SESTD1: variants seen among roughly 807,000 people sequenced by gnomAD.
SESTD1 encodes SEC14 domain and spectrin repeat-containing protein 1.
Under a neutral mutation model 101.7 loss-of-function variants are expected in SESTD1, and 43 were observed. The observed-to-expected ratio is 0.42, with a 90% CI of 0.33 to 0.55. SESTD1 has a LOEUF of 0.55. Ranked by LOEUF, SESTD1 falls within the 20% of genes least tolerant of loss-of-function variation. The pLI, the probability that SESTD1 is intolerant of heterozygous loss-of-function variation, is 0.07. For missense variants in SESTD1, 647 were observed against 815.1 expected, an observed-to-expected ratio of 0.79 and a Z score of 2.51; for synonymous variants, 283 against 286.8, an observed-to-expected ratio of 0.99 and a Z score of 0.13.
chr2:179,194,016 G>T (rs1239723868), intron 1 of SESTD1, among the ~76,000 whole-genome samples: 1 of 152,126 alleles, frequency 6.6e-6, no homozygotes, highest in African/African-American at 2.4e-5. Context: ...CAAATCTGCT[G>T]AATGTGCATG....
At chr2:179,244,285 C>T (rs1336175524) in intron 1 of SESTD1, among the ~76,000 whole-genome samples, 4 of 151,896 alleles carry the variant, frequency 2.6e-5, no homozygotes, top group Non-Finnish European at 2.9e-5. Context: ...GGTGAAACCC[C>T]GTCTCTTACT....
chr2:179,239,475 C>T (rs2047117842), intron 1 of SESTD1, among the ~76,000 whole-genome samples: 1 of 152,024 alleles, frequency 6.6e-6, no homozygotes, highest in African/African-American at 2.4e-5. Flanking sequence ...TGGGAAAGAA[C>T]TTTAAAAGTG....
At position 179,103,409 on chromosome 2, in the gene SESTD1, C is replaced by T. The variant is rs1164210296; in HGVS notation, c.*6490G>A. ...TATGGCAGTTTCTTTTAAAACTACC[C>T]TGTGACCCAGCAATTCTAATCCAAG... On this transcript the variant is annotated 3_prime_UTR_variant, in exon 18 of 18. Transcript: ENST00000428443. The T allele has an allele frequency of 2.0e-5, 3 of 152,076 alleles. No individual in the cohort carries two copies. Among genetic ancestry groups the T allele is most frequent in the Non-Finnish European group, 4.4e-5 (3 of 68,000 alleles). 9.4% of individuals were successfully genotyped at this position (152,076 alleles called of 1,614,324 possible). A position where few individuals can be genotyped will look rare whatever the true frequency, so the allele number is the denominator to read the frequency against.
At chr2:179,186,687 T>C (rs940639266) in intron 2 of SESTD1, among the ~76,000 whole-genome samples, 9 of 25,830 alleles carry the variant, frequency 3.5e-4, no homozygotes, top group Non-Finnish European at 1.1e-4. Context: ...TCAGGGAATT[T>C]TTTTTTTTTT....
intron 1 of SESTD1, among the ~76,000 whole-genome samples, chr2:179,247,678 G>T (rs2047254332): frequency 6.6e-6 from 1 of 151,930 alleles, no homozygotes; most frequent in Admixed American, 6.6e-5. Flanking sequence ...AGGCTCAAGG[G>T]ATCCTCCTGC....
intron 7 of SESTD1, among the ~76,000 whole-genome samples, chr2:179,149,014 A>T (rs113828274): frequency 0.19 from 26,995 of 140,548 alleles, 3,505 homozygotes; most frequent in African/African-American, 0.38. Flanking sequence ...AAGCCGAGAT[A>T]GCGCCACTGC....
At chr2:179,134,433 C>T (rs1411683802) in intron 9 of SESTD1, among the ~76,000 whole-genome samples, 1 of 152,164 alleles carries the variant, frequency 6.6e-6, no homozygotes, top group Non-Finnish European at 1.5e-5. Context: ...TCCAACCAAG[C>T]AACCAATCAA....
intron 1 of SESTD1, among the ~76,000 whole-genome samples, chr2:179,239,229 A>G (rs1162627903): frequency 6.6e-6 from 1 of 152,186 alleles, no homozygotes; most frequent in Non-Finnish European, 1.5e-5. Flanking sequence ...AAAAATGAAT[A>G]GAGAATTTTT....
rs2154393349 is a variant in SESTD1 at position 179,103,539 on chromosome 2, C to CT, written c.*6359dup. 1 of 152,104 alleles carries CT rather than the reference C, an allele frequency of 6.6e-6. No individual in the cohort carries two copies. The highest frequency in any genetic ancestry group is 2.1e-4 in the South Asian group (1 of 4,820). The allele number at this position is 152,104 out of a possible 1,614,324, so 9.4% of individuals were successfully genotyped here. A position where few individuals can be genotyped will look rare whatever the true frequency, so the allele number is the denominator to read the frequency against. The stretch of plus-strand genomic sequence containing the variant: ...CCAATCCTGGAAACAGCCCAGGTAT[C>CT]TATCAATAATAGGAAATTAAGAAAA... On this transcript the variant is annotated 3_prime_UTR_variant, in exon 18 of 18. Transcript: ENST00000428443.
At chr2:179,252,317 C>A (rs1037147009) in intron 1 of SESTD1, among the ~76,000 whole-genome samples, 1 of 152,224 alleles carries the variant, frequency 6.6e-6, no homozygotes. Context: ...TAGTGGCTTA[C>A]GCCTCACCAT....
intron 4 of SESTD1, 84 bp downstream of exon 4, chr2:179,176,364 A>G: frequency 9.8e-7 from 1 of 1,019,382 alleles, no homozygotes; most frequent in East Asian, 2.5e-5. Flanking sequence ...GCACAGTCCA[A>G]TAAATTAAAT....
At position 179,105,613 on chromosome 2, in the gene SESTD1, G is replaced by GA. The variant is rs2044365162; in HGVS notation, c.*4285dup. On this transcript the variant is annotated 3_prime_UTR_variant, in exon 18 of 18. Transcript: ENST00000428443. ...CCCATGCTTGTCATGTGAGACAACA[G>GA]AAAGGATAAAGAATACTCTATTTTT... 6.6e-6 allele frequency: 1 copy of GA among 152,144 alleles called. No homozygotes were observed. Among genetic ancestry groups the GA allele is most frequent in the Non-Finnish European group, 1.5e-5 (1 of 68,008 alleles). 9.4% of individuals were successfully genotyped at this position (152,144 alleles called of 1,614,324 possible). A position where few individuals can be genotyped will look rare whatever the true frequency, so the allele number is the denominator to read the frequency against.
chr2:179,141,383 C>G (rs958063993), intron 9 of SESTD1, among the ~76,000 whole-genome samples: 8 of 152,164 alleles, frequency 5.3e-5, no homozygotes, highest in African/African-American at 1.9e-4. Flanking sequence ...TTGTTGGCAC[C>G]TGGCATAGCT....
chr2:179,185,091 C>T (rs1010333604), intron 2 of SESTD1, among the ~76,000 whole-genome samples: 2 of 152,020 alleles, frequency 1.3e-5, no homozygotes, highest in African/African-American at 4.8e-5. Flanking sequence ...CATTTTCACA[C>T]ACCATTGGAA....
chr2:179,178,594 T>C (rs551491512), intron 3 of SESTD1, among the ~76,000 whole-genome samples: 7 of 151,748 alleles, frequency 4.6e-5, no homozygotes, highest in South Asian at 2.1e-4. Context: ...CACCATGACA[T>C]AGGAGAGGAT....
intron 1 of SESTD1, among the ~76,000 whole-genome samples, chr2:179,201,577 G>A (rs2046512255): frequency 7.7e-6 from 1 of 130,088 alleles, no homozygotes; most frequent in African/African-American, 3.1e-5. Flanking sequence ...TATACACCAT[G>A]GAATACTATG....
Position 179,109,551 on chromosome 2 carries a change from TTTTTTC to T in SESTD1, c.*342_*347del, listed in dbSNP as rs2044461293. On this transcript the variant is annotated 3_prime_UTR_variant, in exon 18 of 18. Transcript: ENST00000428443. The stretch of plus-strand genomic sequence containing the variant: ...CACCTGTGGAGGAAGGGCAACTTTT[TTTTTTC>T]TTTTTAATAGAGAGAATTCCTACTC... 2.5e-6 allele frequency: 1 copy of T among 395,998 alleles called. No homozygotes were observed. The highest frequency in any genetic ancestry group is 4.5e-6 in the Non-Finnish European group (1 of 224,422). The allele number at this position is 395,998 out of a possible 1,614,324, so 24.5% of individuals were successfully genotyped here.
intron 17 of SESTD1, 56 bp from the exon 18 acceptor site, chr2:179,110,084 GTGA>G: frequency 6.3e-7 from 1 of 1,575,464 alleles, no homozygotes; most frequent in Non-Finnish European, 8.7e-7. Flanking sequence ...ATTAACTGCA[GTGA>G]ATACAAATAG....
chr2:179,163,558 A>G (rs1265726157), intron 5 of SESTD1, among the ~76,000 whole-genome samples: 2 of 149,214 alleles, frequency 1.3e-5, no homozygotes, highest in African/African-American at 5.0e-5. Context: ...AAATATGTAT[A>G]TTATATATAT....
Sources: gnomAD v4.1 joint callset for allele counts (sites outside exome capture counted in the v4.1 genomes callset) on GRCh38, gnomAD v4.1.1 for gene constraint, MANE v1.5 for transcripts, NCBI Gene and HGNC (gene_info 2026-07-23, HGNC 2026-07-21) for gene names.